Variants in MTUS2 observed in about 807,000 individuals in gnomAD.
MTUS2 encodes the protein microtubule associated scaffold protein 2.
MTUS2 carries 40 observed loss-of-function variants against 114.1 expected under a neutral mutation model. The ratio of observed to expected loss-of-function variants is 0.35; its 90% confidence interval spans 0.27 to 0.46. The LOEUF is 0.46. MTUS2 is among the 20% of genes least tolerant of loss of function. The probability of loss-of-function intolerance (pLI) is 1.00; values close to 1 mark genes in which losing one functional copy is unlikely to be tolerated. For missense variants in MTUS2, 1,679 were observed against 1,705.4 expected (o/e 0.98, Z 0.27); for synonymous variants, 688 against 672.0 (o/e 1.02, Z -0.37).
chr13:29,367,173 A>T (rs757497348), intron 8 of MTUS2, among the ~76,000 whole-genome samples: 3 of 152,048 alleles, frequency 2.0e-5, no homozygotes, highest in Non-Finnish European at 4.4e-5. Context: ...CAGGCAGGGT[A>T]CCTGGGGTAG....
rs754727560 is a variant in MTUS2, at chr13:29,503,153, G to T, written c.4057G>T (p.Gly1353Cys). 2 of 1,614,196 alleles carry T rather than the reference G, an allele frequency of 1.2e-6. No individual in the cohort carries two copies. Among genetic ancestry groups the T allele is most frequent in the South Asian group, 2.2e-5 (2 of 91,084 alleles). Residue 1353 changes from glycine to cysteine, a missense_variant, in exon 16 of 16, where the codon GGC becomes TGC. By Grantham distance (159) the Gly-to-Cys change is radical. Coordinates refer to ENST00000612955, the MANE Select transcript of MTUS2 (RefSeq NM_001033602.4). ...CTCGCCCACATCTCCCGTTTACCGC[G>T]GCTCCTCCTCGGGGCCCTCCTCTCC... ...KLSPTSPVYRGSSSGPSSPAR... is the reference protein window; with the variant it reads ...KLSPTSPVYRCSSSGPSSPAR...
In MTUS2 at chr13:29,480,207, G is replaced by T. The variant is rs756769441; in HGVS notation, c.3242G>T (p.Arg1081Leu). 1.2e-5 allele frequency: 19 copies of T among 1,555,720 alleles called. No homozygotes were observed. Among genetic ancestry groups the T allele is most frequent in the Non-Finnish European group, 1.7e-5 (19 of 1,148,860 alleles). The change falls in exon 10 of 16, where the codon CGG (arginine) becomes CTG (leucine). Residue 1081 changes from arginine (R) to leucine (L), a missense_variant. Arg to Leu is a moderately radical substitution (Grantham distance 102, BLOSUM62 -2). Transcript: ENST00000612955. This position sits in a 1 kb window ranked among gnomAD's most constrained non-coding sequence, Gnocchi z 4.4. ...AAGGAGAAGGAGGAGCTGGAGAGGC[G>T]GTTCGAGGACGAGGTGAAGAGGCTG... is the stretch of plus-strand genomic sequence containing the variant. ...LQKEKEELERRFEDEVKRLGW... is the reference protein window; with the variant it reads ...LQKEKEELERLFEDEVKRLGW...
chr13:29,458,113 C>T (rs1026688782), intron 9 of MTUS2, among the ~76,000 whole-genome samples: 1 of 152,118 alleles, frequency 6.6e-6, no homozygotes, highest in African/African-American at 2.4e-5. Flanking sequence ...ATCTGTGGCC[C>T]ATTTTCTATA....
At chr13:28,931,413 TGTGA>T (rs929644153) in intron 2 of MTUS2, among the ~76,000 whole-genome samples, 1 of 152,210 alleles carries the variant, frequency 6.6e-6, no homozygotes, top group Non-Finnish European at 1.5e-5. Context: ...GTTGTTCTTG[TGTGA>T]GTGAGTATTC....
chr13:29,170,896 TA>T (rs71090228), intron 5 of MTUS2, among the ~76,000 whole-genome samples: 38,401 of 152,068 alleles, frequency 0.25, 4,988 homozygotes, highest in Middle Eastern at 0.28. Context: ...AAAACATCTT[TA>T]AAAAATGTGG....
At chr13:29,232,688 A>G (rs1432131002) in intron 5 of MTUS2, among the ~76,000 whole-genome samples, 2 of 152,108 alleles carry the variant, frequency 1.3e-5, no homozygotes, top group Admixed American at 1.3e-4. Flanking sequence ...AGCTTAATAG[A>G]TTTGACTATG....
chr13:28,940,433 A>G (rs905179162), intron 2 of MTUS2, among the ~76,000 whole-genome samples: 1 of 152,206 alleles, frequency 6.6e-6, no homozygotes, highest in Non-Finnish European at 1.5e-5. Context: ...CAGACAGCAA[A>G]TTGGTGTTTA....
intron 5 of MTUS2, among the ~76,000 whole-genome samples, chr13:29,279,249 C>G (rs1216864550): frequency 6.6e-6 from 1 of 152,184 alleles, no homozygotes; most frequent in Non-Finnish European, 1.5e-5. Flanking sequence ...GCTCCCAGAT[C>G]TGCACCATTA....
intron 2 of MTUS2, among the ~76,000 whole-genome samples, chr13:28,863,933 C>T (rs796361047): frequency 6.6e-6 from 1 of 152,106 alleles, no homozygotes; most frequent in Non-Finnish European, 1.5e-5. Context: ...TGGGCTCAAG[C>T]GATCCTCCTG....
At chr13:29,012,101 C>G (rs1241863611) in intron 2 of MTUS2, among the ~76,000 whole-genome samples, 1 of 152,126 alleles carries the variant, frequency 6.6e-6, no homozygotes, top group African/African-American at 2.4e-5. Context: ...GCCTGCAGTC[C>G]TGTAGATAAG....
chr13:29,093,051 G>A (rs2479803), intron 4 of MTUS2, among the ~76,000 whole-genome samples: 102,167 of 152,014 alleles, frequency 0.67, 35,044 homozygotes, highest in Non-Finnish European at 0.74. Flanking sequence ...GGGTGCATTG[G>A]GCTTTCTTAA....
chr13:28,896,246 A>T (rs149758962), intron 2 of MTUS2, among the ~76,000 whole-genome samples: 1 of 152,186 alleles, frequency 6.6e-6, no homozygotes, highest in Non-Finnish European at 1.5e-5. Flanking sequence ...AAGCATTCTT[A>T]TACACCAATA....
intron 9 of MTUS2, among the ~76,000 whole-genome samples, chr13:29,446,628 A>G (rs1878299077): frequency 6.6e-6 from 1 of 152,188 alleles, no homozygotes; most frequent in South Asian, 2.1e-4. Flanking sequence ...TCTTGGGAAT[A>G]TATTCTCAAA....
At chr13:28,965,352 T>A (rs1883531076) in intron 2 of MTUS2, among the ~76,000 whole-genome samples, 2 of 152,138 alleles carry the variant, frequency 1.3e-5, no homozygotes, top group Admixed American at 6.5e-5. Flanking sequence ...AATCTCAGTG[T>A]TTGGATTCTA....
intron 7 of MTUS2, among the ~76,000 whole-genome samples, chr13:29,348,314 T>C (rs1014107300): frequency 5.9e-5 from 9 of 151,986 alleles, no homozygotes; most frequent in Non-Finnish European, 1.3e-4. Flanking sequence ...CAAAACCAAA[T>C]GTTAGAACAA....
At chr13:29,488,048 C>A in intron 11 of MTUS2, 43 bp downstream of exon 11, 1 of 1,453,444 alleles carries the variant, frequency 6.9e-7, no homozygotes, top group Non-Finnish European at 9.7e-7. Flanking sequence ...GTGGGTGGTG[C>A]AATCCGAGCC....
chr13:29,053,576 A>C (rs1887999175), intron 4 of MTUS2, among the ~76,000 whole-genome samples: 1 of 152,176 alleles, frequency 6.6e-6, no homozygotes, highest in Admixed American at 6.5e-5. Context: ...TCCCAATCCT[A>C]CTACCTTATC....
intron 5 of MTUS2, among the ~76,000 whole-genome samples, chr13:29,277,767 A>G (rs973046393): frequency 1.3e-5 from 2 of 152,178 alleles, no homozygotes; most frequent in Admixed American, 6.5e-5. Flanking sequence ...ATGGCCCATG[A>G]AATTTTCCTG....
At chr13:29,374,000 A>G (rs945745111) in intron 8 of MTUS2, among the ~76,000 whole-genome samples, 2 of 152,354 alleles carry the variant, frequency 1.3e-5, no homozygotes, top group South Asian at 4.1e-4. Context: ...AATTCTTCAA[A>G]GAAAGATGTA....
Sources: allele counts gnomAD v4.1 joint callset (sites outside exome capture counted in the v4.1 genomes callset), GRCh38; gene constraint gnomAD v4.1.1; non-coding constraint Gnocchi (gnomAD v3.1); transcripts MANE v1.5; gene names NCBI Gene and HGNC (gene_info 2026-07-23, HGNC 2026-07-21).